PHLDB2: variants seen among roughly 807,000 people sequenced by gnomAD.
PHLDB2 encodes pleckstrin homology like domain family B member 2, also known as pleckstrin homology-like domain family B member 2.
A neutral mutation model predicts 123.6 loss-of-function variants in PHLDB2; 71 were observed. The observed-to-expected ratio is 0.57, with a 90% CI of 0.47 to 0.70. The LOEUF (loss-of-function observed/expected upper bound fraction) is 0.70. Ranked by LOEUF, PHLDB2 falls within the 30% of genes least tolerant of loss-of-function variation. The probability of loss-of-function intolerance (pLI) is 0.00; values close to 1 mark genes in which losing one functional copy is unlikely to be tolerated. For missense variants in PHLDB2, 1,446 were observed against 1,519.5 expected (o/e 0.95, Z 0.80); for synonymous variants, 547 against 541.6 (o/e 1.01, Z -0.14).
chr3:111,898,510 G>A (rs2067008150), intron 2 of PHLDB2, among the ~76,000 whole-genome samples: 1 of 152,062 alleles, frequency 6.6e-6, no homozygotes, highest in Non-Finnish European at 1.5e-5. Context: ...AGATAACAAT[G>A]AAGTTTGTCA....
At chr3:111,883,250 A>G (rs1257202892) in intron 1 of PHLDB2, among the ~76,000 whole-genome samples, 1 of 152,208 alleles carries the variant, frequency 6.6e-6, no homozygotes, top group Non-Finnish European at 1.5e-5. Context: ...GGTTCAAAAC[A>G]TATTTTCTTA....
At chr3:111,747,627 A>G (rs1212206598) in intron 1 of PHLDB2, among the ~76,000 whole-genome samples, 1 of 152,066 alleles carries the variant, frequency 6.6e-6, no homozygotes, top group Non-Finnish European at 1.5e-5. Context: ...AATCCCCAGT[A>G]GCCTCTGACT....
rs2062982522 is a variant in PHLDB2 at position 111,831,009 on chromosome 3, G to GAAAGA, written c.-48-14809_-48-14805dup. On this transcript the variant is annotated intron_variant, in intron 1 of 17. Transcript: ENST00000393923. ...AGAAAGAAAGAAAGAAAGAAAGAAAGAAAGAAAGAAAGAAAGAAAGAAAGG... is the reference window on the plus strand; with the variant it reads ...AGAAAGAAAGAAAGAAAGAAAGAAAGAAAGAAAAGAAAGAAAGAAAGAAAGAAAGG... 4.0e-5 allele frequency among the ~76,000 whole-genome samples: 4 copies of GAAAGA among 100,138 alleles called. 1 individual carries two copies. Among genetic ancestry groups the GAAAGA allele is most frequent in the Admixed American group, 1.1e-4 (1 of 9,248 alleles). The allele number at this position is 100,138 out of a possible 152,430, so 65.7% of individuals were successfully genotyped here.
chr3:111,939,444 G>A (rs547589423), intron 6 of PHLDB2, 31 bp from the exon 7 acceptor site: 5 of 1,584,656 alleles, frequency 3.2e-6, no homozygotes, highest in Non-Finnish European at 3.4e-6. Context: ...TTATCTCAGT[G>A]TGTCTTGTTT....
rs79796149 is a variant in PHLDB2, at chr3:111,895,199, A to G, written c.1335+9787A>G. Among the ~76,000 whole-genome samples, 2,250 of 152,310 alleles carry G rather than the reference A, an allele frequency of 0.015. 103 individuals carry two copies. The South Asian group carries it at 0.16, about 11-fold the overall frequency. On this transcript the variant is annotated intron_variant, in intron 2 of 17. Coordinates refer to ENST00000431670, the MANE Select transcript of PHLDB2 (RefSeq NM_001134438.2). ...GAAACAGAGCTAAAGTCTTCATGAA[A>G]TTCTATATTGCAGTAGTCCATTCTT... is the stretch of plus-strand genomic sequence containing the variant.
intron 1 of PHLDB2, among the ~76,000 whole-genome samples, chr3:111,770,857 T>A (rs528896055): frequency 6.6e-6 from 1 of 152,302 alleles, no homozygotes; most frequent in African/African-American, 2.4e-5. Flanking sequence ...AGAGGGCTGG[T>A]CAAGGATCTG....
chr3:111,966,867 G>T (rs1312216554), intron 14 of PHLDB2, among the ~76,000 whole-genome samples, 164 bp downstream of exon 14: 2 of 151,936 alleles, frequency 1.3e-5, no homozygotes, highest in East Asian at 3.9e-4. Flanking sequence ...GGTGTTAGAT[G>T]ATTTCTAAGG....
intron 6 of PHLDB2, among the ~76,000 whole-genome samples, chr3:111,937,346 T>A (rs1343403485): frequency 6.6e-6 from 1 of 152,228 alleles, no homozygotes; most frequent in Admixed American, 6.5e-5. Context: ...TAATTATTTA[T>A]CCAACTCTCT....
chr3:111,782,380 G>A (rs921177251), intron 1 of PHLDB2, among the ~76,000 whole-genome samples: 5 of 152,016 alleles, frequency 3.3e-5, no homozygotes, highest in African/African-American at 9.7e-5. Context: ...ATAAAGCGAG[G>A]ATAGTAAAAA....
At chr3:111,962,683 A>C (rs979533884) in intron 13 of PHLDB2, among the ~76,000 whole-genome samples, 6 of 152,156 alleles carry the variant, frequency 3.9e-5, no homozygotes, top group Non-Finnish European at 7.4e-5. Context: ...AATCCCAGCT[A>C]CTTTGGGAGG....
Position 111,913,523 on chromosome 3 carries a change from C to T in PHLDB2, c.1540C>T (p.Leu514Phe), listed in dbSNP as rs752258063. The change falls in exon 3 of 18, where the codon CTC (leucine) becomes TTC (phenylalanine). Residue 514 changes from leucine to phenylalanine, a missense_variant. Transcript: ENST00000431670. The stretch of plus-strand genomic sequence containing the variant: ...ATACAGGTGCCACCGGAAAGACTCC[C>T]TCCCTGATGCAGACTTGGCAAGCTG... ...TRYRCHRKDSLPDADLASCGS... is the reference protein window; with the variant it reads ...TRYRCHRKDSFPDADLASCGS... 5.0e-6 allele frequency: 8 copies of T among 1,614,002 alleles called. No homozygotes were observed. Among genetic ancestry groups the T allele is most frequent in the Non-Finnish European group, 6.8e-6 (8 of 1,180,002 alleles).
chr3:111,970,776 A>C (rs2072121415), intron 16 of PHLDB2, among the ~76,000 whole-genome samples: 1 of 152,208 alleles, frequency 6.6e-6, no homozygotes, highest in Non-Finnish European at 1.5e-5. Flanking sequence ...TATGAAAAAA[A>C]CCCTGTTTTG....
At chr3:111,778,273 T>C (rs1189024784) in intron 1 of PHLDB2, 1 of 151,922 alleles carries the variant, frequency 6.6e-6, no homozygotes, top group Non-Finnish European at 1.5e-5. Context: ...CATAGGGAAA[T>C]GTGGACACAA....
chr3:111,767,985 G>A (rs774328318), intron 1 of PHLDB2, among the ~76,000 whole-genome samples: 8 of 152,128 alleles, frequency 5.3e-5, no homozygotes, highest in Non-Finnish European at 1.2e-4. Context: ...TGTGATAAAG[G>A]TTGAGATTTG....
At chr3:111,834,977 T>A (rs925509649) in intron 1 of PHLDB2, among the ~76,000 whole-genome samples, 1 of 152,116 alleles carries the variant, frequency 6.6e-6, no homozygotes, top group Non-Finnish European at 1.5e-5. Context: ...CACACCTTTG[T>A]AATTTTCCAT....
At chr3:111,944,021 G>C (rs1200840273) in intron 8 of PHLDB2, among the ~76,000 whole-genome samples, 1 of 152,078 alleles carries the variant, frequency 6.6e-6, no homozygotes, top group Non-Finnish European at 1.5e-5. Flanking sequence ...AAATTGTTAG[G>C]TATATTTATA....
chr3:111,897,077 G>A (rs2066915215), intron 2 of PHLDB2, among the ~76,000 whole-genome samples: 1 of 152,170 alleles, frequency 6.6e-6, no homozygotes, highest in Non-Finnish European at 1.5e-5. Flanking sequence ...TCTCATGTTG[G>A]CCTTTTATAG....
At chr3:111,870,995 T>G (rs566553669) in intron 1 of PHLDB2, among the ~76,000 whole-genome samples, 15 of 152,346 alleles carry the variant, frequency 9.8e-5, no homozygotes, top group African/African-American at 3.6e-4. Flanking sequence ...GTGGAAATTT[T>G]GACCCAAACC....
chr3:111,945,316 G>A lies in PHLDB2; in HGVS notation c.2446G>A (p.Gly816Arg). 3 of 1,610,154 alleles carry A rather than the reference G, an allele frequency of 1.9e-6. No individual in the cohort carries two copies. Among genetic ancestry groups the A allele is most frequent in the South Asian group, 2.2e-5 (2 of 90,720 alleles). Residue 816 changes from glycine (G) to arginine (R), a missense_variant, in exon 9 of 18, where the codon GGG becomes AGG. Gly to Arg is a moderately radical substitution (Grantham distance 125). Coordinates refer to ENST00000431670, the MANE Select transcript of PHLDB2 (RefSeq NM_001134438.2). ...GGAAAAGAAATACTCCAGCCTCTCT[G>A]GGGGGAAAGGGTTTCCCGTTAACCC... is the stretch of plus-strand genomic sequence containing the variant. ...NLEKKYSSLSGGKGFPVNPNT... is the reference protein window; with the variant it reads ...NLEKKYSSLSRGKGFPVNPNT...
Sources: allele counts gnomAD v4.1 joint callset (sites outside exome capture counted in the v4.1 genomes callset), GRCh38; gene constraint gnomAD v4.1.1; transcripts MANE v1.5; gene names NCBI Gene and HGNC (gene_info 2026-07-23, HGNC 2026-07-21).